RABGAP1L: variants seen among roughly 807,000 people sequenced by gnomAD.
RABGAP1L encodes the protein RAB GTPase activating protein 1 like.
Under a neutral mutation model 137.7 loss-of-function variants are expected in RABGAP1L, and 63 were observed. That is an observed-to-expected ratio of 0.46 (90% CI 0.37 to 0.56). The LOEUF (loss-of-function observed/expected upper bound fraction) is 0.56, where lower values mean the gene tolerates loss of function less well. Ranked by LOEUF, RABGAP1L falls within the 20% of genes least tolerant of loss-of-function variation. The pLI, the probability that RABGAP1L is intolerant of heterozygous loss-of-function variation, is 0.00. For missense variants in RABGAP1L, 1,095 were observed against 1,244.0 expected, an observed-to-expected ratio of 0.88 and a Z score of 1.80; for synonymous variants, 431 against 433.7, an observed-to-expected ratio of 0.99 and a Z score of 0.08.
intron 19 of RABGAP1L, among the ~76,000 whole-genome samples, chr1:174,918,482 G>A (rs975523779): frequency 2.0e-5 from 3 of 152,032 alleles, no homozygotes; most frequent in Non-Finnish European, 4.4e-5. Flanking sequence ...CAGAATCTGC[G>A]GAGCAAGAAT....
At chr1:174,986,327 A>G (rs1195511594) in intron 24 of RABGAP1L, among the ~76,000 whole-genome samples, 1 of 152,182 alleles carries the variant, frequency 6.6e-6, no homozygotes, top group Non-Finnish European at 1.5e-5. Context: ...AAGGAGATGC[A>G]GGATATAAAG....
intron 4 of RABGAP1L, among the ~76,000 whole-genome samples, chr1:174,239,234 C>G (rs141431760): frequency 0.019 from 2,887 of 152,312 alleles, 41 homozygotes; most frequent in Middle Eastern, 0.078. Flanking sequence ...TCTTCTGCGT[C>G]GCTCACGCTG....
chr1:174,838,745 G>A (rs1693018562), intron 19 of RABGAP1L, among the ~76,000 whole-genome samples: 1 of 150,966 alleles, frequency 6.6e-6, no homozygotes, highest in Non-Finnish European at 1.5e-5. Flanking sequence ...GTGAAACCCC[G>A]TCTCTACTAA....
intron 19 of RABGAP1L, among the ~76,000 whole-genome samples, chr1:174,930,353 A>C (rs1334071028): frequency 3.5e-5 from 5 of 144,912 alleles, no homozygotes; most frequent in African/African-American, 1.3e-4. Flanking sequence ...TTGAGACAGG[A>C]TCTTGCTGTG....
At chr1:174,870,510 T>A (rs568569747) in intron 19 of RABGAP1L, among the ~76,000 whole-genome samples, 28 of 152,324 alleles carry the variant, frequency 1.8e-4, no homozygotes, top group African/African-American at 6.3e-4. Flanking sequence ...TACTTCCTTA[T>A]CCTTTAGCTT....
At chr1:174,637,318 T>C in intron 13 of RABGAP1L, 57 bp from the exon 14 acceptor site, 1 of 1,228,580 alleles carries the variant, frequency 8.1e-7, no homozygotes. Flanking sequence ...GTGTATATAT[T>C]ATATTTCATA....
At chr1:174,648,077 A>G (rs866952002) in intron 14 of RABGAP1L, among the ~76,000 whole-genome samples, 1 of 151,850 alleles carries the variant, frequency 6.6e-6, no homozygotes, top group Non-Finnish European at 1.5e-5. Context: ...TATTGTGTCT[A>G]TTTGATTCTT....
intron 14 of RABGAP1L, among the ~76,000 whole-genome samples, chr1:174,663,718 T>A (rs1676558902): frequency 6.6e-6 from 1 of 152,232 alleles, no homozygotes; most frequent in Non-Finnish European, 1.5e-5. Flanking sequence ...TTTATGGTTA[T>A]TCACTGATAT....
chr1:174,859,221 C>G (rs924853962), intron 19 of RABGAP1L, among the ~76,000 whole-genome samples: 2 of 152,140 alleles, frequency 1.3e-5, no homozygotes, highest in African/African-American at 4.8e-5. Context: ...GTGGCTCACG[C>G]CTTTAATCCC....
chr1:174,463,708 GA>G (rs1229152092), intron 13 of RABGAP1L, among the ~76,000 whole-genome samples: 2 of 151,526 alleles, frequency 1.3e-5, no homozygotes, highest in East Asian at 3.9e-4. Flanking sequence ...ACAAAGATAT[GA>G]AAAAAATAAC....
chr1:174,946,940 A>ATATGTGTG (rs1341510730), intron 19 of RABGAP1L, among the ~76,000 whole-genome samples: 4 of 60,938 alleles, frequency 6.6e-5, no homozygotes, highest in Non-Finnish European at 1.1e-4. Flanking sequence ...ATATATATAT[A>ATATGTGTG]TGTGTGTGTG....
intron 13 of RABGAP1L, among the ~76,000 whole-genome samples, chr1:174,602,351 G>A (rs1182484721): frequency 6.6e-6 from 1 of 152,142 alleles, no homozygotes. Flanking sequence ...GGAAACCCCT[G>A]ATAAACCCGT....
chr1:174,583,383 A>G (rs985802010), intron 13 of RABGAP1L, among the ~76,000 whole-genome samples: 4 of 152,094 alleles, frequency 2.6e-5, no homozygotes, highest in Non-Finnish European at 5.9e-5. Flanking sequence ...GGGCTCCTTG[A>G]AATTCTAGTG....
intron 3 of RABGAP1L, among the ~76,000 whole-genome samples, chr1:174,227,199 CT>C (rs71117559): frequency 1.2e-3 from 154 of 133,792 alleles, no homozygotes; most frequent in East Asian, 7.1e-3. Context: ...TGACCATTTA[CT>C]TTTTTTTTTT....
intron 12 of RABGAP1L, among the ~76,000 whole-genome samples, chr1:174,384,636 C>A (rs952792237): frequency 1.3e-5 from 2 of 151,996 alleles, no homozygotes; most frequent in African/African-American, 2.4e-5. Context: ...ATTTTTCTCT[C>A]TTTATTTTGT....
intron 13 of RABGAP1L, among the ~76,000 whole-genome samples, chr1:174,511,782 C>G (rs1459926045): frequency 2.0e-5 from 3 of 152,042 alleles, no homozygotes. Context: ...ACCACCACAC[C>G]CAGCTGATTT....
intron 13 of RABGAP1L, among the ~76,000 whole-genome samples, chr1:174,492,088 G>A (rs1660293072): frequency 6.6e-6 from 1 of 151,274 alleles, no homozygotes; most frequent in African/African-American, 2.4e-5. Flanking sequence ...CTTTTTTGGT[G>A]TAGTTAATAA....
chr1:174,553,740 C>G (rs750998522), intron 13 of RABGAP1L, among the ~76,000 whole-genome samples: 5 of 152,192 alleles, frequency 3.3e-5, no homozygotes, highest in African/African-American at 4.8e-5. Flanking sequence ...GTGGCTGATG[C>G]CTGTAATTCC....
intron 1 of RABGAP1L, among the ~76,000 whole-genome samples, chr1:174,196,914 T>TATTA (rs1404980175): frequency 6.6e-6 from 1 of 152,188 alleles, no homozygotes; most frequent in African/African-American, 2.4e-5. Context: ...GCCAGCTTAG[T>TATTA]ATTAGTCTTA....
Sources: allele counts gnomAD v4.1 joint callset (sites outside exome capture counted in the v4.1 genomes callset), GRCh38; gene constraint gnomAD v4.1.1; transcripts MANE v1.5; gene names NCBI Gene and HGNC (gene_info 2026-07-23, HGNC 2026-07-21).